The following IL1RAPL2 variants were observed in gnomAD, a reference collection of about 807,000 sequenced individuals.
IL1RAPL2 encodes X-linked interleukin-1 receptor accessory protein-like 2.
In IL1RAPL2, 3 loss-of-function variants were observed where a neutral mutation model predicts 44.1. That is an observed-to-expected ratio of 0.07 (90% CI 0.03 to 0.18). The LOEUF is 0.18. IL1RAPL2 is among the 10% of genes least tolerant of loss of function. IL1RAPL2 has a pLI of 1.00. For missense variants in IL1RAPL2, 391 were observed against 496.4 expected (o/e 0.79, Z 2.02); for synonymous variants, 181 against 178.8 (o/e 1.01, Z -0.10).
chrX:104,942,327 C>T (rs1925204120), intron 2 of IL1RAPL2, among the ~76,000 whole-genome samples: 2 of 111,976 alleles, frequency 1.8e-5, no homozygotes, highest in Non-Finnish European at 3.8e-5. Context: ...TCTTCCTATC[C>T]ATGAGCATGG....
chrX:105,693,011 C>G (rs114912928), intron 6 of IL1RAPL2, among the ~76,000 whole-genome samples: 1,129 of 111,340 alleles, frequency 0.01, 22 homozygotes, highest in African/African-American at 0.035. Flanking sequence ...GCTGTTCTCT[C>G]CTGGGCCTCA....
chrX:104,815,823 C>T (rs756848613), intron 2 of IL1RAPL2, among the ~76,000 whole-genome samples: 12 of 86,285 alleles, frequency 1.4e-4, no homozygotes, highest in African/African-American at 4.9e-4. Context: ...GGGACACATT[C>T]CACCCCCCTC....
rs1013568033 is a variant in IL1RAPL2 at position 105,248,793 on chromosome X, A to G, written c.543+14789A>G. ...AAATGCAAATCAAAACTACAATGAG[A>G]TATCATTTCACTCCAGTTACAGTGA... On this transcript the variant is annotated intron_variant, in intron 4 of 10. Coordinates refer to ENST00000372582, the MANE Select transcript of IL1RAPL2 (RefSeq NM_017416.2). 9.8e-5 allele frequency among the ~76,000 whole-genome samples: 11 copies of G among 111,734 alleles called. No homozygotes were observed. The Admixed American group carries it at 1.0e-3, about 11-fold the overall frequency.
intron 2 of IL1RAPL2, among the ~76,000 whole-genome samples, chrX:104,952,267 G>A (rs1925603448): frequency 1.8e-5 from 2 of 111,782 alleles, no homozygotes; most frequent in African/African-American, 6.5e-5. Context: ...ACTCTGAAGT[G>A]ACTCACTTTA....
intron 1 of IL1RAPL2, among the ~76,000 whole-genome samples, chrX:104,654,288 G>C (rs747810335): frequency 9.0e-6 from 1 of 111,533 alleles, no homozygotes; most frequent in South Asian, 3.8e-4. Context: ...TCAGTCTTAT[G>C]AATAAAACAA....
chrX:104,742,085 G>A (rs1022690000), intron 2 of IL1RAPL2, among the ~76,000 whole-genome samples: 1 of 111,182 alleles, frequency 9.0e-6, no homozygotes, highest in African/African-American at 3.3e-5. Flanking sequence ...TTTAGTGACC[G>A]TTTTGTCATT....
In IL1RAPL2 at chrX:104,943,839, G is replaced by C. The variant is rs186152986; in HGVS notation, c.83-251636G>C. Among the ~76,000 whole-genome samples the C allele has an allele frequency of 2.4e-3, 273 of 112,293 alleles. 5 individuals carry two copies. The highest frequency in any genetic ancestry group is 0.015 in the Admixed American group (157 of 10,541). On this transcript the variant is annotated intron_variant, in intron 2 of 10. Coordinates refer to ENST00000372582, the MANE Select transcript of IL1RAPL2 (RefSeq NM_017416.2). ...ATAATGCAAGTTTCATGAGGGCAGA[G>C]ATTTCTGACTAGTTTGTTCTCTTTA...
At chrX:105,629,854 T>C (rs2037479990) in intron 6 of IL1RAPL2, among the ~76,000 whole-genome samples, 1 of 111,776 alleles carries the variant, frequency 8.9e-6, no homozygotes, top group African/African-American at 3.2e-5. Context: ...TGTGTGCTGA[T>C]GTTTGAAATT....
chrX:104,972,516 G>A (rs2030256069), intron 2 of IL1RAPL2, among the ~76,000 whole-genome samples: 1 of 111,701 alleles, frequency 9.0e-6, no homozygotes, highest in African/African-American at 3.3e-5. Context: ...AGATGGCTGT[G>A]AGAGTTTATG....
intron 1 of IL1RAPL2, among the ~76,000 whole-genome samples, chrX:104,615,117 T>C (rs1929242834): frequency 8.9e-6 from 1 of 111,886 alleles, no homozygotes; most frequent in South Asian, 3.7e-4. Context: ...TCGTAGTAGG[T>C]ATCATTCTTT....
chrX:104,866,962 T>C (rs1010927632), intron 2 of IL1RAPL2, among the ~76,000 whole-genome samples: 1 of 110,863 alleles, frequency 9.0e-6, no homozygotes, highest in African/African-American at 3.3e-5. Flanking sequence ...TTGTAAACAC[T>C]ACCCAAGAAG....
intron 2 of IL1RAPL2, among the ~76,000 whole-genome samples, chrX:105,050,085 G>T (rs923763667): frequency 2.0e-4 from 22 of 111,932 alleles, no homozygotes; most frequent in Middle Eastern, 4.6e-3. Context: ...ATTGTTAGAA[G>T]ATTCTTGGAT....
chrX:105,634,235 A>G (rs1447359545), intron 6 of IL1RAPL2, among the ~76,000 whole-genome samples: 1 of 111,170 alleles, frequency 9.0e-6, no homozygotes, highest in Non-Finnish European at 1.9e-5. Flanking sequence ...ACAAAAAGGA[A>G]AGGTACATTT....
chrX:105,439,999 A>AGCTAAATT (rs886148555), intron 5 of IL1RAPL2, among the ~76,000 whole-genome samples: 2 of 112,131 alleles, frequency 1.8e-5, no homozygotes, highest in African/African-American at 6.5e-5. Flanking sequence ...TGAAACATAC[A>AGCTAAATT]GACTCAGACA....
intron 5 of IL1RAPL2, among the ~76,000 whole-genome samples, chrX:105,424,260 T>C (rs1458119331): frequency 8.9e-6 from 1 of 111,784 alleles, no homozygotes; most frequent in African/African-American, 3.3e-5. Context: ...TAAATCAACA[T>C]ATGTAAGATG....
chrX:105,579,257 T>C (rs1020082779), intron 6 of IL1RAPL2, among the ~76,000 whole-genome samples: 9 of 112,046 alleles, frequency 8.0e-5, no homozygotes, highest in South Asian at 3.7e-4. Flanking sequence ...AAATTAAATT[T>C]ACATGAGGAA....
intron 2 of IL1RAPL2, among the ~76,000 whole-genome samples, chrX:104,671,155 T>G: frequency 9.0e-6 from 1 of 110,746 alleles, no homozygotes. Context: ...TATGTATGTA[T>G]AGGTATATAC....
chrX:104,586,277 C>G (rs1928561623), intron 1 of IL1RAPL2, among the ~76,000 whole-genome samples: 1 of 111,278 alleles, frequency 9.0e-6, no homozygotes. Context: ...GTCCTTTGCC[C>G]ACTTTTTAAT....
At chrX:105,518,753 G>A (rs1403633525) in intron 6 of IL1RAPL2, among the ~76,000 whole-genome samples, 1 of 111,695 alleles carries the variant, frequency 9.0e-6, no homozygotes, top group Non-Finnish European at 1.9e-5. Flanking sequence ...ATATACTAAT[G>A]ACACATTTCA....
Sources: allele counts gnomAD v4.1 joint callset (sites outside exome capture counted in the v4.1 genomes callset), GRCh38; gene constraint gnomAD v4.1.1; transcripts MANE v1.5; gene names NCBI Gene and HGNC (gene_info 2026-07-23, HGNC 2026-07-21).